The following FIGN variants were observed in gnomAD, a reference collection of about 807,000 sequenced individuals.
FIGN encodes the protein fidgetin, microtubule severing factor, also known as fidgetin.
Under a neutral mutation model 51.3 loss-of-function variants are expected in FIGN, and 11 were observed. The observed-to-expected ratio is 0.21, with a 90% CI of 0.13 to 0.35. FIGN has a LOEUF of 0.35. Among genes scored for constraint, FIGN ranks in the 10% least tolerant of loss-of-function variants. The pLI, the probability that FIGN is intolerant of heterozygous loss-of-function variation, is 1.00. For synonymous variants in FIGN, 407 were observed against 363.2 expected (o/e 1.12, Z -1.37); for missense variants, 857 against 943.6 (o/e 0.91, Z 1.20).
At chr2:163,709,835 A>G (rs1344420582) in intron 2 of FIGN, among the ~76,000 whole-genome samples, 5 of 152,070 alleles carry the variant, frequency 3.3e-5, no homozygotes, top group African/African-American at 1.2e-4. Context: ...ATTTATTTTT[A>G]CTCTCACTCT....
Position 163,604,825 on chromosome 2 carries a change from A to AGAAG in FIGN, c.*4726_*4727insCTTC, listed in dbSNP as rs776803940. 1 of 147,210 alleles carries AGAAG rather than the reference A, an allele frequency of 6.8e-6. No individual in the cohort carries two copies. The highest frequency in any genetic ancestry group is 2.3e-4 in the South Asian group (1 of 4,418). 9.1% of individuals were successfully genotyped at this position (147,210 alleles called of 1,614,324 possible). A position where few individuals can be genotyped will look rare whatever the true frequency, so the allele number is the denominator to read the frequency against. On this transcript the variant is annotated 3_prime_UTR_variant, in exon 3 of 3. Coordinates refer to ENST00000333129, the MANE Select transcript of FIGN (RefSeq NM_018086.4). Reference sequence around the variant, plus strand: ...GACAGAGAGAGAGAGAGAGAGAGAGAAGAGAGAGGAAGAGGAGAGGAGAGG... The same window carrying AGAAG: ...GACAGAGAGAGAGAGAGAGAGAGAGAGAAGAGAGAGAGGAAGAGGAGAGGAGAGG...
At position 163,610,563 on chromosome 2, in the gene FIGN, T is replaced by A. The variant is rs767718058; in HGVS notation, c.1269A>T (p.Thr423=). The A allele has an allele frequency of 6.2e-7, 1 of 1,614,196 alleles. No homozygotes were observed. The highest frequency in any genetic ancestry group is 8.5e-7 in the Non-Finnish European group (1 of 1,180,034). The change falls in exon 3 of 3, where the codon ACA becomes ACT. Residue 423 remains threonine (T), a synonymous_variant. Coordinates refer to ENST00000333129, the MANE Select transcript of FIGN (RefSeq NM_018086.4). ...SRSSESFGKY[T]SPVMSEHGDE... ...CCCCATGCTCACTCATTACTGGCGA[T>A]GTGTACTTCCCAAAGGATTCACTGG...
At chr2:163,642,609 A>G (rs1378850348) in intron 2 of FIGN, among the ~76,000 whole-genome samples, 1 of 152,158 alleles carries the variant, frequency 6.6e-6, no homozygotes, top group African/African-American at 2.4e-5. Context: ...CTAATAATGT[A>G]TGGCAGACTC....
intron 2 of FIGN, among the ~76,000 whole-genome samples, chr2:163,614,981 T>C (rs1170599247): frequency 6.6e-6 from 1 of 152,136 alleles, no homozygotes; most frequent in African/African-American, 2.4e-5. Flanking sequence ...GTCCATTTCA[T>C]AGGGTATTTT....
At chr2:163,658,364 GC>G in intron 2 of FIGN, among the ~76,000 whole-genome samples, 1 of 137,614 alleles carries the variant, frequency 7.3e-6, no homozygotes, top group Non-Finnish European at 1.6e-5. Flanking sequence ...TTAAGAAACA[GC>G]TCTCTCTCTC....
chr2:163,648,363 T>C (rs1402417906), intron 2 of FIGN, among the ~76,000 whole-genome samples: 1 of 152,238 alleles, frequency 6.6e-6, no homozygotes, highest in Non-Finnish European at 1.5e-5. Flanking sequence ...ATCAAAGCAA[T>C]GACTATTGTC....
At chr2:163,623,935 C>T (rs143771208) in intron 2 of FIGN, among the ~76,000 whole-genome samples, 14 of 152,168 alleles carry the variant, frequency 9.2e-5, no homozygotes, top group African/African-American at 2.6e-4. Flanking sequence ...GCATCCCTGG[C>T]CATAGCTTCC....
intron 2 of FIGN, among the ~76,000 whole-genome samples, chr2:163,679,855 T>C (rs1436701178): frequency 6.6e-6 from 1 of 152,222 alleles, no homozygotes; most frequent in Non-Finnish European, 1.5e-5. Context: ...AATCAACTTA[T>C]ATATTACAAA....
At position 163,609,533 on chromosome 2, in the gene FIGN, T is replaced by G. The variant is rs1216764497; in HGVS notation, c.*19A>C. 6.3e-7 allele frequency: 1 copy of G among 1,588,134 alleles called. No individual in the cohort carries two copies. The highest frequency in any genetic ancestry group is 2.2e-5 in the East Asian group (1 of 44,618). The stretch of plus-strand genomic sequence containing the variant: ...GTGTGTGCCAACATTCATTACATTT[T>G]TTTTTTCTAAAGAAGTTATCACTGA... On this transcript the variant is annotated 3_prime_UTR_variant, in exon 3 of 3. Coordinates refer to ENST00000333129, the MANE Select transcript of FIGN (RefSeq NM_018086.4).
At chr2:163,672,138 C>G (rs932859724) in intron 2 of FIGN, among the ~76,000 whole-genome samples, 1 of 151,986 alleles carries the variant, frequency 6.6e-6, no homozygotes, top group Non-Finnish European at 1.5e-5. Context: ...GTGTTAGTTC[C>G]CAGGTCAGAG....
chr2:163,651,767 C>G (rs916191031), intron 2 of FIGN, among the ~76,000 whole-genome samples: 1 of 152,088 alleles, frequency 6.6e-6, no homozygotes, highest in African/African-American at 2.4e-5. Context: ...AGATAAAAGA[C>G]TTTTGAAAGC....
At chr2:163,650,839 T>C (rs1206500471) in intron 2 of FIGN, among the ~76,000 whole-genome samples, 1 of 152,178 alleles carries the variant, frequency 6.6e-6, no homozygotes, top group Non-Finnish European at 1.5e-5. Context: ...ACATGTGCCT[T>C]CTAACATAAA....
intron 2 of FIGN, among the ~76,000 whole-genome samples, chr2:163,693,167 C>T (rs892681082): frequency 1.3e-5 from 2 of 152,166 alleles, no homozygotes; most frequent in African/African-American, 4.8e-5. Context: ...TTGACTTTTG[C>T]CTCAACCTCT....
intron 2 of FIGN, among the ~76,000 whole-genome samples, chr2:163,660,203 T>G (rs1470187278): frequency 1.3e-5 from 2 of 152,174 alleles, no homozygotes; most frequent in Admixed American, 6.5e-5. Context: ...TCTTAAGAGA[T>G]TTGTTATTCT....
intron 2 of FIGN, among the ~76,000 whole-genome samples, chr2:163,639,657 A>G (rs898880868): frequency 3.3e-5 from 5 of 152,262 alleles, no homozygotes; most frequent in Middle Eastern, 3.4e-3. Flanking sequence ...TGGGGAATGG[A>G]CCCAGATACA....
intron 2 of FIGN, among the ~76,000 whole-genome samples, chr2:163,662,354 C>A (rs573782147): frequency 6.6e-6 from 1 of 152,274 alleles, no homozygotes; most frequent in Admixed American, 6.5e-5. Flanking sequence ...GGTGACTTGG[C>A]TGCTGTTAAA....
chr2:163,636,157 C>T (rs756491657), intron 2 of FIGN, among the ~76,000 whole-genome samples: 4 of 152,096 alleles, frequency 2.6e-5, no homozygotes, highest in Non-Finnish European at 4.4e-5. Flanking sequence ...TACAGCTTGC[C>T]GTTTTACAAG....
At chr2:163,643,840 G>C (rs532230743) in intron 2 of FIGN, among the ~76,000 whole-genome samples, 2 of 144,878 alleles carry the variant, frequency 1.4e-5, no homozygotes, top group Non-Finnish European at 3.0e-5. Context: ...GCTGAGGCAG[G>C]ACAATCGCTT....
chr2:163,705,401 G>A (rs2105353347), intron 2 of FIGN, among the ~76,000 whole-genome samples: 1 of 152,218 alleles, frequency 6.6e-6, no homozygotes, highest in South Asian at 2.1e-4. Context: ...GGAGCTGAAA[G>A]AGAATTTAGA....
Sources: gnomAD v4.1 joint callset for allele counts (sites outside exome capture counted in the v4.1 genomes callset) on GRCh38, gnomAD v4.1.1 for gene constraint, MANE v1.5 for transcripts, NCBI Gene and HGNC (gene_info 2026-07-23, HGNC 2026-07-21) for gene names.